Variants in TMEM132C observed in about 807,000 individuals in gnomAD.
TMEM132C encodes the protein transmembrane protein 132C.
In TMEM132C, 29 loss-of-function variants were observed where a neutral mutation model predicts 61.4. The ratio of observed to expected loss-of-function variants is 0.47; its 90% CI spans 0.35 to 0.64. TMEM132C has a LOEUF of 0.64. Ranked by LOEUF, TMEM132C falls within the 30% of genes least tolerant of loss-of-function variation. The pLI is 0.00. For synonymous variants in TMEM132C, 656 were observed against 633.1 expected (o/e 1.04, Z -0.54); for missense variants, 1,408 against 1,476.9 (o/e 0.95, Z 0.76).
intron 2 of TMEM132C, among the ~76,000 whole-genome samples, chr12:128,505,176 C>T (rs575620268): frequency 1.3e-5 from 2 of 152,182 alleles, no homozygotes; most frequent in Admixed American, 1.3e-4. Flanking sequence ...ATGGTTGGCT[C>T]CCAGAACCAA....
intron 1 of TMEM132C, among the ~76,000 whole-genome samples, chr12:128,335,045 G>T (rs906015409): frequency 1.3e-5 from 2 of 152,148 alleles, no homozygotes; most frequent in Non-Finnish European, 2.9e-5. Flanking sequence ...AGTCTTACAT[G>T]TATCATAGAT....
intron 3 of TMEM132C, among the ~76,000 whole-genome samples, chr12:128,584,483 T>C (rs1297808704): frequency 6.6e-6 from 1 of 152,246 alleles, no homozygotes; most frequent in Non-Finnish European, 1.5e-5. Flanking sequence ...GGTCTCTCCC[T>C]ACCTAAACAC....
rs138249253 is a variant in TMEM132C, at chr12:128,484,827, G to A, written c.975-59130G>A. The stretch of plus-strand genomic sequence containing the variant: ...TTAAAAACTAGCTAAACATGGTAGT[G>A]CATGCCTGTAGTCCCAGCTACTTGG... On this transcript the variant is annotated intron_variant, in intron 2 of 8. Coordinates refer to ENST00000435159, the MANE Select transcript of TMEM132C (RefSeq NM_001136103.3). Among the ~76,000 whole-genome samples the A allele has an allele frequency of 1.6e-3, 247 of 152,110 alleles. 1 individual carries two copies. Among genetic ancestry groups the A allele is most frequent in the African/African-American group, 5.6e-3 (232 of 41,502 alleles).
chr12:128,375,834 G>A (rs1007701697), intron 1 of TMEM132C, among the ~76,000 whole-genome samples: 10 of 152,172 alleles, frequency 6.6e-5, no homozygotes, highest in Non-Finnish European at 1.2e-4. Context: ...GAAAAGAGAC[G>A]GATGCAAAGG....
intron 3 of TMEM132C, among the ~76,000 whole-genome samples, chr12:128,597,437 C>G (rs1457283676): frequency 6.6e-6 from 1 of 151,704 alleles, no homozygotes; most frequent in Non-Finnish European, 1.5e-5. Context: ...GAGATAGTGC[C>G]ACTGTACTCC....
chr12:128,687,543 C>T (rs994357303), intron 5 of TMEM132C, among the ~76,000 whole-genome samples: 7 of 152,152 alleles, frequency 4.6e-5, no homozygotes, highest in African/African-American at 1.4e-4. Context: ...GGGGAGGAGC[C>T]TTCAGGCAAA....
At chr12:128,336,345 G>T (rs1266368479) in intron 1 of TMEM132C, among the ~76,000 whole-genome samples, 5 of 152,134 alleles carry the variant, frequency 3.3e-5, no homozygotes, top group African/African-American at 9.7e-5. Context: ...GTGAGAAATA[G>T]AATTTTCTCT....
intron 4 of TMEM132C, among the ~76,000 whole-genome samples, chr12:128,634,948 G>A (rs1954090805): frequency 6.6e-6 from 1 of 152,226 alleles, no homozygotes; most frequent in Non-Finnish European, 1.5e-5. Flanking sequence ...TATATGAGCA[G>A]TAGATAGTTC....
intron 2 of TMEM132C, among the ~76,000 whole-genome samples, chr12:128,450,835 G>A (rs1004989169): frequency 1.3e-5 from 2 of 152,184 alleles, no homozygotes; most frequent in Admixed American, 6.5e-5. Flanking sequence ...TGATTATGAC[G>A]AGTTATTTTT....
At chr12:128,363,113 C>T (rs1258298762) in intron 1 of TMEM132C, among the ~76,000 whole-genome samples, 1 of 152,168 alleles carries the variant, frequency 6.6e-6, no homozygotes, top group Non-Finnish European at 1.5e-5. Context: ...ACTGACAGTA[C>T]CATCACTCCG....
intron 4 of TMEM132C, among the ~76,000 whole-genome samples, chr12:128,660,258 C>T (rs942499032): frequency 1.3e-5 from 2 of 152,296 alleles, no homozygotes; most frequent in African/African-American, 2.4e-5. Context: ...CATTCCTCCT[C>T]GTCCAGGTGG....
intron 4 of TMEM132C, among the ~76,000 whole-genome samples, 164 bp from the exon 5 acceptor site, chr12:128,669,253 A>C (rs1346450671): frequency 6.6e-6 from 1 of 152,276 alleles, no homozygotes. Flanking sequence ...TCCAAAGAAT[A>C]GCCCTTTATT....
chr12:128,661,315 T>A (rs183744378), intron 4 of TMEM132C, among the ~76,000 whole-genome samples: 64 of 152,278 alleles, frequency 4.2e-4, no homozygotes, highest in Non-Finnish European at 4.1e-4. Context: ...TGAGCATTAG[T>A]CACATCTACA....
At chr12:128,489,651 C>G (rs927099168) in intron 2 of TMEM132C, among the ~76,000 whole-genome samples, 5 of 151,142 alleles carry the variant, frequency 3.3e-5, no homozygotes, top group Non-Finnish European at 7.4e-5. Context: ...CTCCCCTGCT[C>G]AGAATTTCCC....
At position 128,268,565 on chromosome 12, in the gene TMEM132C, G is replaced by A. The variant is rs528675174; in HGVS notation, c.85+1078G>A. 2.6e-4 allele frequency among the ~76,000 whole-genome samples: 40 copies of A among 152,214 alleles called. No homozygotes were observed. The East Asian group carries it at 7.5e-3, about 29-fold the overall frequency. On this transcript the variant is annotated intron_variant, in intron 1 of 8. Coordinates refer to ENST00000435159, the MANE Select transcript of TMEM132C (RefSeq NM_001136103.3). ...TTTGGTTAAACGGAGGTGCGCACAT[G>A]GGTGCCCTGAGCCTTCGCGCGGCGC...
At chr12:128,267,582 CGGG>C in intron 1 of TMEM132C, 95 bp downstream of exon 1, 3 of 1,006,910 alleles carry the variant, frequency 3.0e-6, no homozygotes, top group Non-Finnish European at 3.7e-6. Flanking sequence ...AGGGGTGCGG[CGGG>C]GGCCTCGGCG....
At chr12:128,450,739 T>TA (rs1870150928) in intron 2 of TMEM132C, among the ~76,000 whole-genome samples, 1 of 152,222 alleles carries the variant, frequency 6.6e-6, no homozygotes, top group Admixed American at 6.5e-5. Flanking sequence ...TAGTTGGTTC[T>TA]CAAATATAGC....
At position 128,705,475 on chromosome 12, in the gene TMEM132C, A is replaced by G. The variant is rs1209360857; in HGVS notation, c.2507A>G (p.Gln836Arg). 6.4e-7 allele frequency: 1 copy of G among 1,551,212 alleles called. No homozygotes were observed. Among genetic ancestry groups the G allele is most frequent in the Non-Finnish European group, 8.7e-7 (1 of 1,146,920 alleles). The change falls in exon 9 of 9, where the codon CAA (glutamine) becomes CGA (arginine). Residue 836 changes from glutamine (Q) to arginine (R), a missense_variant. By Grantham distance (43) the Gln-to-Arg change is conservative (BLOSUM62 1). Transcript: ENST00000435159. ...QKGQHHERTG[Q>R]DGHLYGSSPV... The stretch of plus-strand genomic sequence containing the variant: ...GGCCAGCACCATGAGCGCACAGGCC[A>G]AGATGGGCACCTCTATGGCAGCTCT...
intron 1 of TMEM132C, among the ~76,000 whole-genome samples, chr12:128,325,337 A>G (rs1872470990): frequency 6.6e-6 from 1 of 152,196 alleles, no homozygotes. Context: ...GGGCCATGAC[A>G]GAAAGGTAAA....
Sources: allele counts gnomAD v4.1 joint callset (sites outside exome capture counted in the v4.1 genomes callset), GRCh38; gene constraint gnomAD v4.1.1; transcripts MANE v1.5; gene names NCBI Gene and HGNC (gene_info 2026-07-23, HGNC 2026-07-21).